The following RGS12 variants were observed in gnomAD, a reference collection of about 807,000 sequenced individuals.
The protein encoded by RGS12 is regulator of G-protein signaling 12.
In RGS12, 66 loss-of-function variants were observed where a neutral mutation model predicts 120.1. The ratio of observed to expected loss-of-function variants is 0.55; its 90% CI spans 0.45 to 0.67. The LOEUF (loss-of-function observed/expected upper bound fraction) is 0.67. Among genes scored for constraint, RGS12 ranks in the 30% least tolerant of loss-of-function variants. The pLI is 0.00. For synonymous variants in RGS12, 827 were observed against 804.7 expected, an observed-to-expected ratio of 1.03 and a Z score of -0.47; for missense variants, 1,859 against 1,957.7, an observed-to-expected ratio of 0.95 and a Z score of 0.95.
In RGS12 at chr4:3,424,738, T is replaced by C. The variant is rs554533980; in HGVS notation, c.3235-726T>C. On this transcript the variant is annotated intron_variant, in intron 13 of 17. Transcript: ENST00000336727. ...GGTTGTTTGGGATGTGGCTTTTCCT[T>C]GGACGCTGTCTCCTGACCTCTCCAG... Among the ~76,000 whole-genome samples the C allele has an allele frequency of 4.6e-5, 7 of 152,340 alleles. No homozygotes were observed. In the East Asian group the frequency reaches 1.3e-3, roughly 29 times the overall value.
chr4:3,388,955 T>C (rs1358526536), intron 4 of RGS12, among the ~76,000 whole-genome samples: 1 of 152,256 alleles, frequency 6.6e-6, no homozygotes, highest in Non-Finnish European at 1.5e-5. Context: ...TCTGCTCAGC[T>C]GGGCTGTCTC....
intron 4 of RGS12, among the ~76,000 whole-genome samples, chr4:3,391,484 T>C (rs909982949): frequency 1.3e-5 from 2 of 152,226 alleles, no homozygotes; most frequent in Non-Finnish European, 2.9e-5. Context: ...TGCCTGAGAA[T>C]TGACTCAGGG....
At chr4:3,421,744 C>T (rs1387743528) in intron 10 of RGS12, among the ~76,000 whole-genome samples, 1 of 152,248 alleles carries the variant, frequency 6.6e-6, no homozygotes, top group Non-Finnish European at 1.5e-5. Flanking sequence ...CTTGGAGCCG[C>T]TCCTTCTGCC....
Position 3,425,649 on chromosome 4 carries a change from G to T in RGS12, c.3331+89G>T, listed in dbSNP as rs1723541523. ...ATGGAGCCGGTGCAGGGGAGGGGGTGAGTGGGGCCAGTGCAGGGGAGGGGC... is the reference window on the plus strand; with the variant it reads ...ATGGAGCCGGTGCAGGGGAGGGGGTTAGTGGGGCCAGTGCAGGGGAGGGGC... On this transcript the variant is annotated intron_variant, in intron 14 of 17. Transcript: ENST00000336727. The T allele has an allele frequency of 2.0e-5, 13 of 651,504 alleles. No individual in the cohort carries two copies. The South Asian group carries it at 2.0e-4, about 10-fold the overall frequency. 40.4% of individuals were successfully genotyped at this position (651,504 alleles called of 1,614,324 possible).
intron 1 of RGS12, among the ~76,000 whole-genome samples, chr4:3,307,914 G>A (rs1234786524): frequency 6.6e-6 from 1 of 152,272 alleles, no homozygotes; most frequent in Non-Finnish European, 1.5e-5. Context: ...CTTAGAAAGA[G>A]CAGGGCATAT....
intron 3 of RGS12, among the ~76,000 whole-genome samples, chr4:3,352,084 C>T (rs1162718652): frequency 6.6e-6 from 1 of 152,094 alleles, no homozygotes; most frequent in Admixed American, 6.5e-5. Context: ...GCCAGGCATG[C>T]AGTCCAAACA....
At chr4:3,328,681 T>A (rs558294983) in intron 2 of RGS12, among the ~76,000 whole-genome samples, 2 of 152,356 alleles carry the variant, frequency 1.3e-5, no homozygotes, top group South Asian at 4.1e-4. Context: ...GGTATAGATA[T>A]AGTAGTTTTG....
intron 1 of RGS12, among the ~76,000 whole-genome samples, chr4:3,308,382 TCGGCGCTCC>T (rs1279059455): frequency 2.0e-5 from 3 of 152,062 alleles, no homozygotes; most frequent in Non-Finnish European, 4.4e-5. Context: ...GCGTGTTGGC[TCGGCGCTCC>T]TCTTGCTGCA....
intron 17 of RGS12, among the ~76,000 whole-genome samples, chr4:3,432,734 G>A (rs1175905619): frequency 6.6e-6 from 1 of 152,232 alleles, no homozygotes; most frequent in African/African-American, 2.4e-5. Context: ...CCACTGGCCA[G>A]AACTGGTTCC....
intron 3 of RGS12, among the ~76,000 whole-genome samples, chr4:3,360,647 A>T (rs1386814321): frequency 6.6e-6 from 1 of 152,166 alleles, no homozygotes; most frequent in African/African-American, 2.4e-5. Context: ...TCTTCATGAT[A>T]TTGAGGAGGC....
intron 3 of RGS12, among the ~76,000 whole-genome samples, chr4:3,349,680 T>C (rs974128651): frequency 6.6e-6 from 1 of 152,194 alleles, no homozygotes; most frequent in African/African-American, 2.4e-5. Flanking sequence ...CTGTAATTTT[T>C]AGTGAAAACC....
In RGS12 at chr4:3,386,357, TTTCC is replaced by T. The variant is rs750989719; in HGVS notation, c.1999-57_1999-54del. The T allele has an allele frequency of 5.2e-6, 8 of 1,537,840 alleles. No homozygotes were observed. In the South Asian group the frequency reaches 9.0e-5, roughly 17 times the overall value. ...TTGTGTTCCTCAGATGGACTTTTCGTTTCCTGGAGTTTTGTCATGAGGCTTAATT... is the reference window on the plus strand; with the variant it reads ...TTGTGTTCCTCAGATGGACTTTTCGTTGGAGTTTTGTCATGAGGCTTAATT... On this transcript the variant is annotated intron_variant, in intron 3 of 17. Coordinates refer to ENST00000336727, the MANE Select transcript of RGS12 (RefSeq NM_001394154.1).
At chr4:3,385,945 GGGCGGCGAGTAT>G (rs1718796499) in intron 3 of RGS12, 13 of 175,942 alleles carry the variant, frequency 7.4e-5, no homozygotes. Flanking sequence ...AGAGCGTGAG[GGGCGGCGAGTAT>G]GGCCCTGGGT....
intron 4 of RGS12, among the ~76,000 whole-genome samples, chr4:3,396,843 A>G (rs1215954660): frequency 6.6e-6 from 1 of 151,648 alleles, no homozygotes; most frequent in Non-Finnish European, 1.5e-5. Context: ...CATTTCTGGA[A>G]TCTGTGTTGA....
At chr4:3,346,562 AG>A (rs1713815658) in intron 3 of RGS12, among the ~76,000 whole-genome samples, 1 of 152,180 alleles carries the variant, frequency 6.6e-6, no homozygotes, top group Non-Finnish European at 1.5e-5. Context: ...TTCAGCTTAT[AG>A]GGCTTCAGGA....
chr4:3,385,697 G>C (rs1233523591), intron 3 of RGS12: 1 of 153,152 alleles, frequency 6.5e-6, no homozygotes, highest in Non-Finnish European at 1.5e-5. Context: ...GTCTGTTCTT[G>C]TCCCTGGTGC....
Position 3,315,347 on chromosome 4 carries a change from A to G in RGS12, c.-101-723A>G, listed in dbSNP as rs1002936943. ...ACTGACAAGTTTGTTCTCAATGACA[A>G]CCAATACTTTTATACCCCCTGGAAG... On this transcript the variant is annotated intron_variant, in intron 1 of 17. Coordinates refer to ENST00000336727, the MANE Select transcript of RGS12 (RefSeq NM_001394154.1). Among the ~76,000 whole-genome samples, 6 of 152,154 alleles carry G rather than the reference A, an allele frequency of 3.9e-5. No individual in the cohort carries two copies. The East Asian group carries it at 7.7e-4, about 20-fold the overall frequency.
chr4:3,379,021 G>GTC (rs1717990781), intron 3 of RGS12, among the ~76,000 whole-genome samples: 1 of 151,306 alleles, frequency 6.6e-6, no homozygotes, highest in African/African-American at 2.4e-5. Flanking sequence ...GTGTGTGTGT[G>GTC]TGTGTGTGTG....
At chr4:3,338,181 C>A (rs1233633188) in intron 2 of RGS12, among the ~76,000 whole-genome samples, 1 of 152,224 alleles carries the variant, frequency 6.6e-6, no homozygotes, top group Non-Finnish European at 1.5e-5. Flanking sequence ...CTGCCTCAGC[C>A]TTCTGAGTAG....
Sources: gnomAD v4.1 joint callset for allele counts (sites outside exome capture counted in the v4.1 genomes callset) on GRCh38, gnomAD v4.1.1 for gene constraint, MANE v1.5 for transcripts, NCBI Gene and HGNC (gene_info 2026-07-23, HGNC 2026-07-21) for gene names.